Variants in ATP8A2 observed in about 807,000 individuals in gnomAD.
ATP8A2 encodes ATPase phospholipid transporting 8A2.
In ATP8A2, 100 loss-of-function variants were observed where a neutral mutation model predicts 165.6. The ratio of observed to expected loss-of-function variants is 0.60; its 90% CI spans 0.51 to 0.71. The LOEUF (loss-of-function observed/expected upper bound fraction) is 0.71, where lower values mean the gene tolerates loss of function less well. Among genes scored for constraint, ATP8A2 ranks in the 30% least tolerant of loss-of-function variants. The pLI is 0.00. For synonymous variants in ATP8A2, 543 were observed against 548.8 expected, an observed-to-expected ratio of 0.99 and a Z score of 0.15; for missense variants, 1,227 against 1,479.5, an observed-to-expected ratio of 0.83 and a Z score of 2.80.
chr13:25,845,321 G>A (rs1211249475), intron 30 of ATP8A2, among the ~76,000 whole-genome samples: 10 of 152,064 alleles, frequency 6.6e-5, no homozygotes, highest in South Asian at 4.2e-4. Flanking sequence ...AGTGTAATGT[G>A]GTTATTGGCA....
chr13:25,986,403 C>A (rs1313975308), intron 35 of ATP8A2, among the ~76,000 whole-genome samples: 1 of 152,230 alleles, frequency 6.6e-6, no homozygotes, highest in Non-Finnish European at 1.5e-5. Context: ...CCCTTCTTCT[C>A]TTTGTTTGTG....
At chr13:25,642,911 T>TA (rs1423505917) in intron 24 of ATP8A2, among the ~76,000 whole-genome samples, 2 of 152,146 alleles carry the variant, frequency 1.3e-5, no homozygotes, top group Non-Finnish European at 2.9e-5. Context: ...ATGTCCTTTG[T>TA]AGGGACATGG....
intron 15 of ATP8A2, among the ~76,000 whole-genome samples, chr13:25,562,309 A>G (rs918956046): frequency 2.0e-5 from 3 of 152,116 alleles, no homozygotes; most frequent in African/African-American, 7.2e-5. Flanking sequence ...TGTTTGTTTT[A>G]TAATAGCCAT....
chr13:25,729,227 A>G (rs1434944617), intron 25 of ATP8A2, among the ~76,000 whole-genome samples: 1 of 152,190 alleles, frequency 6.6e-6, no homozygotes, highest in Non-Finnish European at 1.5e-5. Flanking sequence ...TTTTAGGACT[A>G]CAGGCTAAGC....
At chr13:25,573,951 G>C (rs985564336) in intron 18 of ATP8A2, among the ~76,000 whole-genome samples, 1 of 152,176 alleles carries the variant, frequency 6.6e-6, no homozygotes. Flanking sequence ...TTACTTCATT[G>C]ATTACTTCTC....
intron 1 of ATP8A2, among the ~76,000 whole-genome samples, chr13:25,420,739 G>T (rs1417309682): frequency 1.3e-5 from 2 of 152,166 alleles, no homozygotes; most frequent in Non-Finnish European, 2.9e-5. Flanking sequence ...TCATTCGCAT[G>T]GTCACAGATA....
intron 1 of ATP8A2, among the ~76,000 whole-genome samples, chr13:25,424,663 A>G (rs2034393184): frequency 6.6e-6 from 1 of 152,236 alleles, no homozygotes; most frequent in Admixed American, 6.5e-5. Flanking sequence ...AAACCGTTCA[A>G]TAAAGATGGC....
intron 27 of ATP8A2, among the ~76,000 whole-genome samples, chr13:25,799,861 A>G (rs1259646571): frequency 6.6e-6 from 1 of 152,214 alleles, no homozygotes; most frequent in Non-Finnish European, 1.5e-5. Context: ...TAGTAACTCT[A>G]CTTCATGAAA....
intron 33 of ATP8A2, among the ~76,000 whole-genome samples, chr13:25,894,772 A>G (rs1953482382): frequency 6.6e-6 from 1 of 152,094 alleles, no homozygotes; most frequent in Non-Finnish European, 1.5e-5. Context: ...TTGGATTCCT[A>G]GGTATTTTAT....
At chr13:25,801,203 G>A (rs936021725) in intron 27 of ATP8A2, among the ~76,000 whole-genome samples, 4 of 152,112 alleles carry the variant, frequency 2.6e-5, no homozygotes, top group Admixed American at 6.6e-5. Flanking sequence ...ACTCTACTTC[G>A]GAGTGCAGTC....
intron 2 of ATP8A2, among the ~76,000 whole-genome samples, chr13:25,494,099 C>T (rs977458391): frequency 1.3e-5 from 2 of 151,896 alleles, no homozygotes; most frequent in African/African-American, 2.4e-5. Flanking sequence ...GGAGAGAGAA[C>T]GGTTGGAACA....
chr13:25,471,429 C>T (rs1214078971), intron 2 of ATP8A2, among the ~76,000 whole-genome samples: 4 of 150,864 alleles, frequency 2.7e-5, no homozygotes, highest in Non-Finnish European at 4.4e-5. Context: ...TGGCTCACTG[C>T]AACCTCCGCC....
At chr13:25,431,283 G>C (rs992259217) in intron 1 of ATP8A2, among the ~76,000 whole-genome samples, 43 of 152,086 alleles carry the variant, frequency 2.8e-4, no homozygotes, top group African/African-American at 8.7e-4. Context: ...CGAGTAGCTG[G>C]GATTAGAGGC....
chr13:25,551,777 C>A (rs1005847197), intron 11 of ATP8A2, among the ~76,000 whole-genome samples: 5 of 152,132 alleles, frequency 3.3e-5, no homozygotes, highest in African/African-American at 9.6e-5. Context: ...ATGTATTTCC[C>A]AATTTATCCA....
intron 33 of ATP8A2, among the ~76,000 whole-genome samples, chr13:25,932,336 C>G (rs962354644): frequency 2.6e-5 from 4 of 152,122 alleles, no homozygotes; most frequent in Non-Finnish European, 5.9e-5. Flanking sequence ...CTTGGGGATT[C>G]CTTGGTGTCT....
At chr13:25,775,078 A>T (rs1228446425) in intron 27 of ATP8A2, 119 bp downstream of exon 27, 10 of 613,670 alleles carry the variant, frequency 1.6e-5, no homozygotes. Context: ...TGCTGCTGTG[A>T]CTTTCTACAG....
intron 33 of ATP8A2, among the ~76,000 whole-genome samples, chr13:25,924,787 C>CATG (rs1238607429): frequency 6.6e-6 from 1 of 152,094 alleles, no homozygotes; most frequent in Non-Finnish European, 1.5e-5. Flanking sequence ...GTAATTGAAT[C>CATG]ATGGGGGTAG....
intron 30 of ATP8A2, among the ~76,000 whole-genome samples, chr13:25,846,246 A>G (rs1435821178): frequency 6.6e-6 from 1 of 152,246 alleles, no homozygotes; most frequent in Admixed American, 6.5e-5. Context: ...CTGGGGACAC[A>G]GTAGTGCGTT....
At chr13:25,831,069 G>T (rs1188948168) in intron 28 of ATP8A2, among the ~76,000 whole-genome samples, 1 of 152,144 alleles carries the variant, frequency 6.6e-6, no homozygotes, top group Non-Finnish European at 1.5e-5. Context: ...GAAGGCATTT[G>T]CTAGTGATCC....
Sources: gnomAD v4.1 joint callset for allele counts (sites outside exome capture counted in the v4.1 genomes callset) on GRCh38, gnomAD v4.1.1 for gene constraint, MANE v1.5 for transcripts, NCBI Gene and HGNC (gene_info 2026-07-23, HGNC 2026-07-21) for gene names.